The following NOTCH1 variants were observed in gnomAD, a reference collection of about 807,000 sequenced individuals.
NOTCH1 encodes the protein notch receptor 1, also known as neurogenic locus notch homolog protein 1.
Under a neutral mutation model 254.8 loss-of-function variants are expected in NOTCH1, and 37 were observed. That is an observed-to-expected ratio of 0.15 (90% CI 0.11 to 0.19). The LOEUF is 0.19. NOTCH1 is among the 10% of genes least tolerant of loss of function. NOTCH1 has a pLI of 1.00. For synonymous variants in NOTCH1, 1,731 were observed against 1,618.1 expected (o/e 1.07, Z -1.68); for missense variants, 2,972 against 3,708.6 (o/e 0.80, Z 5.16).
intron 2 of NOTCH1, among the ~76,000 whole-genome samples, chr9:136,532,954 G>A (rs1413947184): frequency 6.6e-6 from 1 of 152,188 alleles, no homozygotes; most frequent in East Asian, 1.9e-4. Context: ...CATTCCCACT[G>A]CCCACCTGGC....
Position 136,495,536 on chromosome 9 carries a change from C to T in NOTCH1, c.*535G>A, listed in dbSNP as rs1386386842. ...GTGAGCCAGCTTTGCCTCCGTTTGC[C>T]TCTGGATGCAGCTTCTCCTAACAGG... On this transcript the variant is annotated 3_prime_UTR_variant, in exon 34 of 34. Coordinates refer to ENST00000651671, the MANE Select transcript of NOTCH1 (RefSeq NM_017617.5). 3 of 399,568 alleles carry T rather than the reference C, an allele frequency of 7.5e-6. No individual in the cohort carries two copies. Among genetic ancestry groups the T allele is most frequent in the East Asian group, 7.1e-5 (2 of 28,238 alleles). 24.8% of individuals were successfully genotyped at this position (399,568 alleles called of 1,614,324 possible).
In NOTCH1 at chr9:136,545,555, G is replaced by C. The variant is rs1249866288; in HGVS notation, c.61+171C>G. Among the ~76,000 whole-genome samples the C allele has an allele frequency of 6.6e-6, 1 of 151,846 alleles. No individual in the cohort carries two copies. Among genetic ancestry groups the C allele is most frequent in the Non-Finnish European group, 1.5e-5 (1 of 67,924 alleles). On this transcript the variant is annotated intron_variant, in intron 1 of 33. Transcript: ENST00000651671. The surrounding 1 kb of genome is among the most constrained non-coding windows in gnomAD (Gnocchi z 6.8). ...ACGGGGGGATCGAGGGGGAAGGTCG[G>C]TCCTCCCTGATCCCGGGACTCCAGA...
At chr9:136,519,136 G>A (rs1245695129) in intron 5 of NOTCH1, among the ~76,000 whole-genome samples, 1 of 152,248 alleles carries the variant, frequency 6.6e-6, no homozygotes, top group Non-Finnish European at 1.5e-5. Flanking sequence ...AGCGTGGCCT[G>A]AGTGGGGTGC....
At position 136,495,595 on chromosome 9, in the gene NOTCH1, G is replaced by C; in HGVS notation, c.*476C>G. On this transcript the variant is annotated 3_prime_UTR_variant, in exon 34 of 34. Coordinates refer to ENST00000651671, the MANE Select transcript of NOTCH1 (RefSeq NM_017617.5). The stretch of plus-strand genomic sequence containing the variant: ...GCTGGTGGAGCGGCCGGGCTGGCTT[G>C]GGGTTGGGTGGGCGTCGGGGAAAGG... 1 of 400,258 alleles carries C rather than the reference G, an allele frequency of 2.5e-6. No homozygotes were observed. The highest frequency in any genetic ancestry group is 4.4e-6 in the Non-Finnish European group (1 of 227,094). 24.8% of individuals were successfully genotyped at this position (400,258 alleles called of 1,614,324 possible).
intron 2 of NOTCH1, among the ~76,000 whole-genome samples, chr9:136,529,978 G>A (rs1379969062): frequency 6.6e-6 from 1 of 152,258 alleles, no homozygotes; most frequent in Non-Finnish European, 1.5e-5. Flanking sequence ...GGCTGGAGCT[G>A]CTGAAAGCTG....
At chr9:136,514,884 CTCAAG>C (rs1323817136) in intron 12 of NOTCH1, among the ~76,000 whole-genome samples, 182 bp from the exon 13 acceptor site, 1 of 152,212 alleles carries the variant, frequency 6.6e-6, no homozygotes, top group Non-Finnish European at 1.5e-5. Flanking sequence ...CCAGTGCCCA[CTCAAG>C]TCATCCTCCC....
intron 2 of NOTCH1, among the ~76,000 whole-genome samples, chr9:136,527,100 G>T (rs1303988824): frequency 1.3e-5 from 2 of 152,174 alleles, no homozygotes; most frequent in East Asian, 1.9e-4. Flanking sequence ...GTCTGTGTGT[G>T]GGGGGCAGCT....
At chr9:136,510,007 A>T in intron 17 of NOTCH1, 46 bp from the exon 18 acceptor site, 1 of 1,556,994 alleles carries the variant, frequency 6.4e-7, no homozygotes, top group Non-Finnish European at 8.8e-7. Context: ...GCACAAACCC[A>T]CACCTGCGGG....
intron 2 of NOTCH1, among the ~76,000 whole-genome samples, chr9:136,526,514 G>A (rs200871312): frequency 7.2e-5 from 11 of 152,304 alleles, no homozygotes; most frequent in Non-Finnish European, 1.0e-4. Context: ...TGGGCAAGAC[G>A]GGGAGGAGGG....
At chr9:136,508,414 C>A (rs2133347858) in intron 19 of NOTCH1, 29 bp from the exon 20 acceptor site, 1 of 1,612,706 alleles carries the variant, frequency 6.2e-7, no homozygotes, top group Non-Finnish European at 8.5e-7. Flanking sequence ...CAGCTGGGTG[C>A]CCGCGCCCCG....
At position 136,494,715 on chromosome 9, in the gene NOTCH1, G is replaced by A. The variant is rs1289806687; in HGVS notation, c.*1356C>T. The A allele has an allele frequency of 2.5e-6, 1 of 398,682 alleles. No individual in the cohort carries two copies. Among genetic ancestry groups the A allele is most frequent in the Non-Finnish European group, 4.4e-6 (1 of 225,996 alleles). The allele number at this position is 398,682 out of a possible 1,614,324, so 24.7% of individuals were successfully genotyped here. On this transcript the variant is annotated 3_prime_UTR_variant, in exon 34 of 34. Transcript: ENST00000651671. ...CGTCCCCAGTGCATGGGCGGCTAAG[G>A]CTCCCCGAGCTGAGCCAAGTCTGAC...
intron 26 of NOTCH1, 78 bp from the exon 27 acceptor site, chr9:136,503,408 G>C (rs2133334043): frequency 6.3e-7 from 1 of 1,598,834 alleles, no homozygotes; most frequent in Non-Finnish European, 8.5e-7. Flanking sequence ...GCTGCCGCAG[G>C]ACACTGAGGC....
intron 8 of NOTCH1, among the ~76,000 whole-genome samples, 161 bp downstream of exon 8, chr9:136,517,591 C>G (rs1301627188): frequency 6.6e-6 from 1 of 152,170 alleles, no homozygotes; most frequent in Non-Finnish European, 1.5e-5. Flanking sequence ...TCTGCTGGCC[C>G]TGTGGCCTGG....
Position 136,497,364 on chromosome 9 carries a change from G to C in NOTCH1, c.6375C>G (p.His2125Gln), listed in dbSNP as rs369009290. The change falls in exon 34 of 34, where the codon CAC becomes CAG. Residue 2125 changes from histidine (H) to glutamine (Q), a missense_variant. By Grantham distance (24) the His-to-Gln change is conservative. Transcript: ENST00000651671. Reference protein sequence around the residue: ...EYNLVRSPQLHGAPLGGTPTL... With the variant: ...EYNLVRSPQLQGAPLGGTPTL... The stretch of plus-strand genomic sequence containing the variant: ...TGGGCGTGCCCCCCAGCGGGGCTCC[G>C]TGCAGCTGCGGGCTGCGCACCAGGT... 4.4e-6 allele frequency: 7 copies of C among 1,607,066 alleles called. No individual in the cohort carries two copies. In the Admixed American group the frequency reaches 1.2e-4, roughly 27 times the overall value.
Position 136,513,365 on chromosome 9 carries a change from G to T in NOTCH1, c.2353+27C>A. The T allele has an allele frequency of 6.2e-7, 1 of 1,612,430 alleles. No homozygotes were observed. ...TCCCCAGACTCGAGGGCGGCCCTCT[G>T]CACTGAGAAACGCGCAGCCCACTCA... On this transcript the variant is annotated intron_variant, in intron 14 of 33. Transcript: ENST00000651671. This position sits in a 1 kb window ranked among gnomAD's most constrained non-coding sequence, Gnocchi z 4.7.
At position 136,500,618 on chromosome 9, in the gene NOTCH1, G is replaced by A. The variant is rs1842980098; in HGVS notation, c.5868C>T (p.Ile1956=). 1 of 1,612,198 alleles carries A rather than the reference G, an allele frequency of 6.2e-7. No individual in the cohort carries two copies. The highest frequency in any genetic ancestry group is 1.1e-5 in the South Asian group (1 of 91,076). ...GCGGGGTGCGGCCCATGTTGTCCTG[G>A]ATGTTGGCATCTGCGCTGGCCTCCA... The part of the protein sequence containing the change: ...RLLEASADAN[I]QDNMGRTPLH... The change falls in exon 31 of 34, where the codon ATC becomes ATT. Residue 1956 remains isoleucine (I), a synonymous_variant. Transcript: ENST00000651671.
At chr9:136,536,533 G>A (rs375328264) in intron 2 of NOTCH1, among the ~76,000 whole-genome samples, 217 of 152,276 alleles carry the variant, frequency 1.4e-3, no homozygotes, top group African/African-American at 4.1e-3. Flanking sequence ...ATGCCTGCCC[G>A]CCCCATGGAT....
chr9:136,502,125 G>C (rs762214844), intron 28 of NOTCH1, 37 bp from the exon 29 acceptor site: 5 of 1,610,144 alleles, frequency 3.1e-6, no homozygotes, highest in Non-Finnish European at 4.2e-6. Context: ...GGCTGAGCGA[G>C]CTCCCTAGGA....
chr9:136,494,687 G>A lies in NOTCH1; in HGVS notation c.*1384C>T. On this transcript the variant is annotated 3_prime_UTR_variant, in exon 34 of 34. Coordinates refer to ENST00000651671, the MANE Select transcript of NOTCH1 (RefSeq NM_017617.5). ...GAGGAGTGCAGGCGGCACGGCAGCG[G>A]AGCGTCCCCAGTGCATGGGCGGCTA... The A allele has an allele frequency of 2.5e-6, 1 of 398,738 alleles. No individual in the cohort carries two copies. Among genetic ancestry groups the A allele is most frequent in the Non-Finnish European group, 4.4e-6 (1 of 226,018 alleles). 24.7% of individuals were successfully genotyped at this position (398,738 alleles called of 1,614,324 possible). A position where few individuals can be genotyped will look rare whatever the true frequency, so the allele number is the denominator to read the frequency against.
Sources: allele counts gnomAD v4.1 joint callset (sites outside exome capture counted in the v4.1 genomes callset), GRCh38; gene constraint gnomAD v4.1.1; non-coding constraint Gnocchi (gnomAD v3.1); transcripts MANE v1.5; gene names NCBI Gene and HGNC (gene_info 2026-07-23, HGNC 2026-07-21).